Variants in XPO5 observed in about 807,000 individuals in gnomAD.
XPO5 encodes exportin 5, also known as exportin-5.
Under a neutral mutation model 160.6 loss-of-function variants are expected in XPO5, and 46 were observed. That is an observed-to-expected ratio of 0.29 (90% CI 0.23 to 0.37). XPO5 has a LOEUF of 0.37. Ranked by LOEUF, XPO5 falls within the 10% of genes least tolerant of loss-of-function variation. XPO5 has a pLI of 1.00. For synonymous variants in XPO5, 537 were observed against 519.3 expected, an observed-to-expected ratio of 1.03 and a Z score of -0.46; for missense variants, 1,090 against 1,463.9, an observed-to-expected ratio of 0.74 and a Z score of 4.17.
rs35322286 is a variant in XPO5, at chr6:43,570,003, C to CTTT, written c.621+496_621+498dup. On this transcript the variant is annotated intron_variant, in intron 5 of 31. Coordinates refer to ENST00000265351, the MANE Select transcript of XPO5 (RefSeq NM_020750.3). ...GGCTGCAGTAAGCCGAGATCCCTAT[C>CTTT]TTTTTTTTTTTTTTTTTTTTTTTTT... Among the ~76,000 whole-genome samples the CTTT allele has an allele frequency of 8.2e-3, 699 of 85,352 alleles. 27 individuals are homozygous for CTTT. The highest frequency in any genetic ancestry group is 0.032 in the African/African-American group (672 of 21,140). The allele number at this position is 85,352 out of a possible 152,430, so 56.0% of individuals were successfully genotyped here. A position where few individuals can be genotyped will look rare whatever the true frequency, so the allele number is the denominator to read the frequency against.
chr6:43,556,811 C>T (rs1412475350), intron 12 of XPO5, among the ~76,000 whole-genome samples: 1 of 151,998 alleles, frequency 6.6e-6, no homozygotes, highest in Admixed American at 6.6e-5. Context: ...TGTGGTATAT[C>T]CATACAATGA....
intron 12 of XPO5, among the ~76,000 whole-genome samples, chr6:43,556,418 G>T (rs995772023): frequency 6.6e-6 from 1 of 151,872 alleles, no homozygotes; most frequent in Non-Finnish European, 1.5e-5. Context: ...CCAGTAACTT[G>T]GGAGAGTGAG....
chr6:43,528,668 G>A (rs752864224), intron 24 of XPO5, among the ~76,000 whole-genome samples, 160 bp downstream of exon 24: 29 of 152,138 alleles, frequency 1.9e-4, no homozygotes, highest in Admixed American at 1.2e-3. Context: ...GGGGCTGCTC[G>A]ATCCTACAGC....
At chr6:43,555,675 TG>T (rs1482040499) in intron 13 of XPO5, 160 bp downstream of exon 13, 4 of 730,552 alleles carry the variant, frequency 5.5e-6, no homozygotes, top group Non-Finnish European at 8.0e-6. Context: ...GCTTTCTTTG[TG>T]TCAGCCAATG....
intron 13 of XPO5, among the ~76,000 whole-genome samples, chr6:43,553,875 CT>C (rs1258379311): frequency 1.3e-5 from 2 of 152,030 alleles, no homozygotes; most frequent in Non-Finnish European, 2.9e-5. Context: ...TTCTCCCCTC[CT>C]CCCCCTTTAT....
chr6:43,526,587 C>A, intron 27 of XPO5, 98 bp downstream of exon 27: 2 of 1,376,188 alleles, frequency 1.5e-6, no homozygotes, highest in Middle Eastern at 1.8e-4. Context: ...TGTAGGGTGT[C>A]TTCTCCTCAC....
chr6:43,523,440 G>A lies in XPO5; in HGVS notation c.*428C>T, dbSNP rs1330009145. 1.2e-5 allele frequency: 4 copies of A among 339,338 alleles called. No homozygotes were observed. The East Asian group carries it at 3.1e-4, about 26-fold the overall frequency. The allele number at this position is 339,338 out of a possible 1,614,324, so 21.0% of individuals were successfully genotyped here. A position where few individuals can be genotyped will look rare whatever the true frequency, so the allele number is the denominator to read the frequency against. ...CTCAGTGGGAGTTGGAGTGGTCCAAGAGAAACTCTGGCACAAGTAGTTGAG... is the reference window on the plus strand; with the variant it reads ...CTCAGTGGGAGTTGGAGTGGTCCAAAAGAAACTCTGGCACAAGTAGTTGAG... On this transcript the variant is annotated 3_prime_UTR_variant, in exon 32 of 32. Transcript: ENST00000265351.
rs73426747 is a variant in XPO5, at chr6:43,526,923, C to T, written c.2921-176G>A. 1.9e-3 allele frequency: 1,225 copies of T among 631,420 alleles called. 11 individuals carry two copies. Among genetic ancestry groups the T allele is most frequent in the African/African-American group, 0.018 (1,009 of 55,142 alleles). 39.1% of individuals were successfully genotyped at this position (631,420 alleles called of 1,614,324 possible). ...ATAGAAATAGAGGCATTCTGATGACCGAACTGTTTTGGTCCTTCAAGTTCA... is the reference window on the plus strand; with the variant it reads ...ATAGAAATAGAGGCATTCTGATGACTGAACTGTTTTGGTCCTTCAAGTTCA... On this transcript the variant is annotated intron_variant, in intron 26 of 31. Coordinates refer to ENST00000265351, the MANE Select transcript of XPO5 (RefSeq NM_020750.3).
In XPO5 at chr6:43,547,617, G is replaced by C. The variant is rs1422281493; in HGVS notation, c.2151C>G (p.Asn717Lys). Residue 717 changes from asparagine (N) to lysine (K), a missense_variant, in exon 19 of 32, where the codon AAC (asparagine) becomes AAG (lysine). Asn to Lys is a moderately conservative substitution (Grantham distance 94). Transcript: ENST00000265351. ...DPGLEDPCGLNRARMSFCVYS... is the reference protein window; with the variant it reads ...DPGLEDPCGLKRARMSFCVYS... ...CCCAGGAAAGTCTTACTCGTGCACG[G>C]TTTAAGCCACACGGATCCTCCAGGC... 1 of 1,613,962 alleles carries C rather than the reference G, an allele frequency of 6.2e-7. No homozygotes were observed. The highest frequency in any genetic ancestry group is 1.1e-5 in the South Asian group (1 of 91,082).
In XPO5 at chr6:43,536,162, C is replaced by T. The variant is rs972709359; in HGVS notation, c.2343-2155G>A. On this transcript the variant is annotated intron_variant, in intron 20 of 31. Transcript: ENST00000265351. ...AGGCACAGTGACTCATGCCTGTAAT[C>T]CCAGCACTTTGGGAGGCTAAGGCAG... Among the ~76,000 whole-genome samples, 89 of 151,670 alleles carry T rather than the reference C, an allele frequency of 5.9e-4. 2 individuals carry two copies. The highest frequency in any genetic ancestry group is 5.6e-3 in the Admixed American group (85 of 15,216).
rs561444267 is a variant in XPO5 at position 43,553,823 on chromosome 6, T to C, written c.1442-320A>G. 74 of 197,574 alleles carry C rather than the reference T, an allele frequency of 3.7e-4. 1 individual carries two copies. The highest frequency in any genetic ancestry group is 5.9e-4 in the Non-Finnish European group (60 of 101,032). The allele number at this position is 197,574 out of a possible 1,614,324, so 12.2% of individuals were successfully genotyped here. On this transcript the variant is annotated intron_variant, in intron 13 of 31. Transcript: ENST00000265351. ...AATACGCAGGTGAACATCAAAAACA[T>C]TGCCTGGCCCATTAGTAGGCACTTG...
intron 23 of XPO5, among the ~76,000 whole-genome samples, chr6:43,530,422 CAAAA>C (rs780873253): frequency 1.5e-5 from 2 of 130,240 alleles, no homozygotes; most frequent in Non-Finnish European, 3.3e-5. Flanking sequence ...AAGACTGTCT[CAAAA>C]AAAAAAAAAA....
chr6:43,526,117 A>T (rs1793571318), intron 27 of XPO5, 196 bp from the exon 28 acceptor site: 1 of 574,838 alleles, frequency 1.7e-6, no homozygotes, highest in South Asian at 2.2e-5. Flanking sequence ...CTCAAGCTGT[A>T]CATGAGGGAA....
At chr6:43,542,274 G>C (rs1201081018) in intron 20 of XPO5, among the ~76,000 whole-genome samples, 1 of 152,022 alleles carries the variant, frequency 6.6e-6, no homozygotes, top group African/African-American at 2.4e-5. Context: ...GTTTCATGTG[G>C]CAAGTGGCTT....
chr6:43,562,118 A>G (rs1389182131), intron 9 of XPO5, 129 bp downstream of exon 9: 2 of 612,546 alleles, frequency 3.3e-6, no homozygotes, highest in Non-Finnish European at 5.7e-6. Context: ...AGAATCATGC[A>G]ATAACTTGTA....
At chr6:43,539,088 A>G (rs1794529056) in intron 20 of XPO5, 12 of 1,336,232 alleles carry the variant, frequency 9.0e-6, no homozygotes, top group Non-Finnish European at 1.3e-5. Context: ...ACAGGTGCGG[A>G]GACAATGCCA....
chr6:43,529,127 T>A, intron 23 of XPO5: 1 of 1,190,282 alleles, frequency 8.4e-7, no homozygotes, highest in Non-Finnish European at 1.2e-6. Context: ...ATACTCTTAG[T>A]TTAGCTGCAT....
chr6:43,540,648 C>T (rs938961190), intron 20 of XPO5, among the ~76,000 whole-genome samples: 3 of 151,894 alleles, frequency 2.0e-5, no homozygotes, highest in Non-Finnish European at 2.9e-5. Flanking sequence ...AGTGACACTC[C>T]GTTTCAAAAA....
chr6:43,538,567 G>C (rs1186102630), intron 20 of XPO5, among the ~76,000 whole-genome samples: 1 of 152,104 alleles, frequency 6.6e-6, no homozygotes, highest in Non-Finnish European at 1.5e-5. Flanking sequence ...TGAATTACTG[G>C]TAGTATTTTG....
Sources: allele counts gnomAD v4.1 joint callset (sites outside exome capture counted in the v4.1 genomes callset), GRCh38; gene constraint gnomAD v4.1.1; transcripts MANE v1.5; gene names NCBI Gene and HGNC (gene_info 2026-07-23, HGNC 2026-07-21).